The following ANXA6 variants were observed in gnomAD, a reference collection of about 807,000 sequenced individuals.
The protein encoded by ANXA6 is annexin A6, also known as 67 kDa calelectrin.
ANXA6 carries 71 observed loss-of-function variants against 95.4 expected under a neutral mutation model. The ratio of observed to expected loss-of-function variants is 0.74; its 90% CI spans 0.61 to 0.91. ANXA6 has a LOEUF of 0.91. Ranked by LOEUF, ANXA6 falls within the 40% of genes least tolerant of loss-of-function variation. ANXA6 has a pLI of 0.00. For synonymous variants in ANXA6, 289 were observed against 315.9 expected, an observed-to-expected ratio of 0.91 and a Z score of 0.90; for missense variants, 830 against 876.4, an observed-to-expected ratio of 0.95 and a Z score of 0.67.
chr5:151,131,645 T>G lies in ANXA6; in HGVS notation c.737-356A>C, dbSNP rs1451039623. On this transcript the variant is annotated intron_variant, in intron 10 of 25. Coordinates refer to ENST00000354546, the MANE Select transcript of ANXA6 (RefSeq NM_001155.5). The stretch of plus-strand genomic sequence containing the variant: ...TAGACCTGCTACACCAGAAAGGTAC[T>G]GGCAGCTGAATCATTGTGAATCCCA... Among the ~76,000 whole-genome samples the G allele has an allele frequency of 2.0e-5, 3 of 152,216 alleles. No individual in the cohort carries two copies. The East Asian group carries it at 5.8e-4, about 29-fold the overall frequency.
intron 15 of ANXA6, 54 bp from the exon 16 acceptor site, chr5:151,123,065 C>T: frequency 6.8e-7 from 1 of 1,465,596 alleles, no homozygotes; most frequent in Non-Finnish European, 9.5e-7. Flanking sequence ...CTCGGCTTTC[C>T]CCATGCACCG....
intron 23 of ANXA6, among the ~76,000 whole-genome samples, chr5:151,105,581 T>C (rs1764674675): frequency 6.6e-6 from 1 of 152,102 alleles, no homozygotes; most frequent in Admixed American, 6.6e-5. Flanking sequence ...GGTAATTAAC[T>C]CCTCATGAAC....
intron 25 of ANXA6, among the ~76,000 whole-genome samples, chr5:151,102,744 A>C (rs1484670852): frequency 6.6e-6 from 1 of 152,174 alleles, no homozygotes; most frequent in Non-Finnish European, 1.5e-5. Flanking sequence ...ACAAAGGGTC[A>C]CATATTAGGT....
chr5:151,114,347 C>G (rs944742358), intron 20 of ANXA6, among the ~76,000 whole-genome samples: 2 of 152,198 alleles, frequency 1.3e-5, no homozygotes, highest in East Asian at 3.9e-4. Context: ...CATGGTGGCT[C>G]ACGCCTGTAA....
In ANXA6 at chr5:151,101,525, C is replaced by A. The variant is rs112704668; in HGVS notation, c.1963-18G>T. On this transcript the variant is annotated intron_variant, in intron 25 of 25. Coordinates refer to ENST00000354546, the MANE Select transcript of ANXA6 (RefSeq NM_001155.5). The stretch of plus-strand genomic sequence containing the variant: ...GTGTCACCCTGGCAGAGGCAGAGAG[C>A]AGAGTGAGTGAAAACAGTCCTTCCA... 1,132 of 1,555,626 alleles carry A rather than the reference C, an allele frequency of 7.3e-4. 6 individuals are homozygous for A. In the African/African-American group the frequency reaches 0.014, roughly 19 times the overall value.
At chr5:151,141,452 C>T in intron 2 of ANXA6, 2 of 933,830 alleles carry the variant, frequency 2.1e-6, no homozygotes, top group Non-Finnish European at 2.6e-6. Context: ...TGTGGGAAAA[C>T]AGCAGAGGCT....
intron 10 of ANXA6, 61 bp downstream of exon 10, chr5:151,132,415 G>T: frequency 7.8e-7 from 1 of 1,281,668 alleles, no homozygotes; most frequent in South Asian, 1.3e-5. Context: ...TCAGCCCCTT[G>T]TTCCTAGGCC....
intron 25 of ANXA6, among the ~76,000 whole-genome samples, chr5:151,103,030 T>A (rs1053815141): frequency 6.6e-6 from 1 of 152,158 alleles, no homozygotes; most frequent in African/African-American, 2.4e-5. Context: ...GGAGTCTTGC[T>A]CTGTTGCCCA....
intron 1 of ANXA6, among the ~76,000 whole-genome samples, chr5:151,157,348 C>T (rs1766262667): frequency 1.3e-5 from 2 of 151,806 alleles, no homozygotes; most frequent in East Asian, 1.9e-4. Flanking sequence ...GTCTCTTGAG[C>T]CCCCCCAAAT....
intron 11 of ANXA6, among the ~76,000 whole-genome samples, chr5:151,130,229 TTTTC>T (rs1177045319): frequency 1.3e-5 from 2 of 151,994 alleles, no homozygotes; most frequent in Non-Finnish European, 2.9e-5. Context: ...TAAGTTTTTT[TTTTC>T]TTTTTCTTTT....
intron 16 of ANXA6, among the ~76,000 whole-genome samples, chr5:151,122,705 A>G (rs1024269682): frequency 6.6e-6 from 1 of 152,190 alleles, no homozygotes; most frequent in African/African-American, 2.4e-5. Context: ...AGCAACTCAC[A>G]CAAGTGTTGC....
intron 12 of ANXA6, 21 bp from the exon 13 acceptor site, chr5:151,128,260 G>A (rs116293395): frequency 1.9e-6 from 3 of 1,597,070 alleles, no homozygotes; most frequent in Non-Finnish European, 2.6e-6. Context: ...AGAAAGAAAG[G>A]TTACCTCTCA....
chr5:151,132,113 G>A (rs1220957421), intron 10 of ANXA6, among the ~76,000 whole-genome samples: 3 of 152,172 alleles, frequency 2.0e-5, no homozygotes, highest in Non-Finnish European at 4.4e-5. Context: ...TCATGGCAGT[G>A]GCCACTGCTG....
At chr5:151,155,261 A>G (rs1302207300) in intron 1 of ANXA6, 1 of 152,218 alleles carries the variant, frequency 6.6e-6, no homozygotes, top group Non-Finnish European at 1.5e-5. Flanking sequence ...CTATTATTTA[A>G]GGACCACCAG....
Position 151,147,905 on chromosome 5 carries a change from C to T in ANXA6, c.-4G>A. 4 of 1,604,900 alleles carry T rather than the reference C, an allele frequency of 2.5e-6. No homozygotes were observed. Among genetic ancestry groups the T allele is most frequent in the East Asian group, 4.5e-5 (2 of 44,570 alleles). ...TTACCTGTGCTGGTTTGGCCATGGT[C>T]TCCGGTTCGCAGCAGAATCCACTGT... is the stretch of plus-strand genomic sequence containing the variant. On this transcript the variant is annotated 5_prime_UTR_variant, in exon 2 of 26. Transcript: ENST00000354546.
At chr5:151,109,647 G>A in intron 22 of ANXA6, 106 bp downstream of exon 22, 1 of 841,260 alleles carries the variant, frequency 1.2e-6, no homozygotes, top group South Asian at 1.5e-5. Context: ...GGGTTAAGGA[G>A]GAGGTGGGTG....
Position 151,133,107 on chromosome 5 carries a change from C to T in ANXA6, c.627G>A (p.Gln209=). The part of the protein sequence containing the change: ...FIYILGNRSK[Q]HLRLVFDEYL... ...TCTGGAGCTTACCCAACCGAAGATG[C>T]TGCTTGCTGCGATTTCCCAAGATGT... is the stretch of plus-strand genomic sequence containing the variant. The change falls in exon 9 of 26, where the codon CAG becomes CAA. Residue 209 remains glutamine, a synonymous_variant. Transcript: ENST00000354546. The T allele has an allele frequency of 2.5e-6, 4 of 1,595,886 alleles. No homozygotes were observed. The highest frequency in any genetic ancestry group is 3.4e-6 in the Non-Finnish European group (4 of 1,170,634).
At chr5:151,117,585 G>T (rs1227273754) in intron 19 of ANXA6, among the ~76,000 whole-genome samples, 173 bp downstream of exon 19, 1 of 152,224 alleles carries the variant, frequency 6.6e-6, no homozygotes, top group Non-Finnish European at 1.5e-5. Flanking sequence ...CGCCAACTTT[G>T]ACAAGGGAAC....
At chr5:151,129,957 C>T (rs755697850) in intron 11 of ANXA6, among the ~76,000 whole-genome samples, 4 of 152,174 alleles carry the variant, frequency 2.6e-5, no homozygotes, top group Non-Finnish European at 5.9e-5. Context: ...CTGCCTTGGC[C>T]TCCCAAAATG....
Sources: gnomAD v4.1 joint callset for allele counts (sites outside exome capture counted in the v4.1 genomes callset) on GRCh38, gnomAD v4.1.1 for gene constraint, MANE v1.5 for transcripts, NCBI Gene and HGNC (gene_info 2026-07-23, HGNC 2026-07-21) for gene names.